CNTNAP5: variants seen among roughly 807,000 people sequenced by gnomAD.
The protein encoded by CNTNAP5 is contactin associated protein family member 5.
Under a neutral mutation model 150.2 loss-of-function variants are expected in CNTNAP5, and 72 were observed. That is an observed-to-expected ratio of 0.48 (90% CI 0.40 to 0.58). The LOEUF (loss-of-function observed/expected upper bound fraction) is 0.58. Among genes scored for constraint, CNTNAP5 ranks in the 20% least tolerant of loss-of-function variants. The pLI is 0.00. For synonymous variants in CNTNAP5, 672 were observed against 619.8 expected (o/e 1.08, Z -1.25); for missense variants, 1,636 against 1,626.2 (o/e 1.01, Z -0.10).
At chr2:124,217,565 T>G (rs1488004136) in intron 1 of CNTNAP5, among the ~76,000 whole-genome samples, 1 of 152,208 alleles carries the variant, frequency 6.6e-6, no homozygotes, top group Non-Finnish European at 1.5e-5. Flanking sequence ...GTCATCTTTA[T>G]GCAGGCTCGT....
intron 11 of CNTNAP5, among the ~76,000 whole-genome samples, chr2:124,592,839 G>C (rs1030974252): frequency 6.6e-6 from 1 of 151,798 alleles, no homozygotes; most frequent in Non-Finnish European, 1.5e-5. Flanking sequence ...ACTTGTAAAA[G>C]TATATTAGAA....
chr2:124,885,362 G>C (rs1678056535), intron 21 of CNTNAP5, among the ~76,000 whole-genome samples: 1 of 151,960 alleles, frequency 6.6e-6, no homozygotes, highest in Non-Finnish European at 1.5e-5. Flanking sequence ...GGGCTTGATT[G>C]AATAAGTAGG....
intron 17 of CNTNAP5, among the ~76,000 whole-genome samples, chr2:124,782,515 G>A (rs1321596583): frequency 6.6e-6 from 1 of 152,178 alleles, no homozygotes. Flanking sequence ...CCAACCACAA[G>A]CCATAGGTAG....
chr2:124,497,228 T>G (rs1446707713), intron 7 of CNTNAP5, among the ~76,000 whole-genome samples: 1 of 152,294 alleles, frequency 6.6e-6, no homozygotes, highest in African/African-American at 2.4e-5. Context: ...TAAACAGTAA[T>G]AGGTGTCTTT....
At chr2:124,089,908 C>G (rs1269571203) in intron 1 of CNTNAP5, among the ~76,000 whole-genome samples, 2 of 152,212 alleles carry the variant, frequency 1.3e-5, no homozygotes, top group Non-Finnish European at 2.9e-5. Flanking sequence ...GGTTGTGAAG[C>G]ACTTCAGAGC....
intron 4 of CNTNAP5, among the ~76,000 whole-genome samples, chr2:124,420,845 C>T (rs79083471): frequency 0.051 from 7,835 of 152,188 alleles, 266 homozygotes; most frequent in South Asian, 0.12. Context: ...CAATTAGTCT[C>T]TTAATATATA....
At chr2:124,369,579 T>C (rs555922138) in intron 3 of CNTNAP5, among the ~76,000 whole-genome samples, 3 of 152,316 alleles carry the variant, frequency 2.0e-5, no homozygotes, top group Admixed American at 6.5e-5. Flanking sequence ...TCTTTCCTTT[T>C]GTAGTTTTAT....
At chr2:124,496,007 A>G (rs979094804) in intron 7 of CNTNAP5, among the ~76,000 whole-genome samples, 14 of 151,842 alleles carry the variant, frequency 9.2e-5, no homozygotes, top group Non-Finnish European at 1.6e-4. Context: ...GACATGTTCC[A>G]TGACCCTTAT....
At chr2:124,251,938 C>T (rs1159842773) in intron 3 of CNTNAP5, among the ~76,000 whole-genome samples, 1 of 152,178 alleles carries the variant, frequency 6.6e-6, no homozygotes, top group Non-Finnish European at 1.5e-5. Flanking sequence ...AGCTAGCCCA[C>T]TACGTGTAAA....
At chr2:124,276,661 T>C (rs1203445133) in intron 3 of CNTNAP5, among the ~76,000 whole-genome samples, 2 of 152,162 alleles carry the variant, frequency 1.3e-5, no homozygotes, top group East Asian at 1.9e-4. Flanking sequence ...TGACAGGGCC[T>C]TTCCCCCACG....
intron 19 of CNTNAP5, among the ~76,000 whole-genome samples, chr2:124,799,214 A>C (rs576210228): frequency 6.6e-6 from 1 of 152,174 alleles, no homozygotes; most frequent in African/African-American, 2.4e-5. Flanking sequence ...TTTGGAAAGC[A>C]TTTGGACAAA....
At chr2:124,088,432 AT>A (rs1360833591) in intron 1 of CNTNAP5, among the ~76,000 whole-genome samples, 1 of 151,690 alleles carries the variant, frequency 6.6e-6, no homozygotes, top group Non-Finnish European at 1.5e-5. Context: ...TCTATCTTTC[AT>A]TTTGATGTAT....
At chr2:124,127,555 A>C (rs1002941478) in intron 1 of CNTNAP5, among the ~76,000 whole-genome samples, 1 of 152,186 alleles carries the variant, frequency 6.6e-6, no homozygotes, top group African/African-American at 2.4e-5. Context: ...ATTGGAAAAA[A>C]CTACTTTAAA....
chr2:124,547,192 A>G (rs764363377), intron 10 of CNTNAP5, among the ~76,000 whole-genome samples: 3 of 152,268 alleles, frequency 2.0e-5, no homozygotes, highest in East Asian at 3.9e-4. Flanking sequence ...TTTGGGCTCA[A>G]TAGAGAAACG....
chr2:124,485,631 A>AAAAGAAG (rs1558922843), intron 7 of CNTNAP5, among the ~76,000 whole-genome samples: 5 of 134,256 alleles, frequency 3.7e-5, no homozygotes, highest in South Asian at 2.8e-4. Flanking sequence ...AAAAAAAAAA[A>AAAAGAAG]AAAGAAGAAG....
At position 124,361,303 on chromosome 2, in the gene CNTNAP5, T is replaced by G. The variant is rs1400623344; in HGVS notation, c.382-56140T>G. On this transcript the variant is annotated intron_variant, in intron 3 of 23. Coordinates refer to ENST00000682447, the MANE Select transcript of CNTNAP5 (RefSeq NM_001367498.1). ...TTTGATCATCTGAAGCCTCCTTCTCTCAGCTCATCAAAGTCATTCTCCATC... is the reference window on the plus strand; with the variant it reads ...TTTGATCATCTGAAGCCTCCTTCTCGCAGCTCATCAAAGTCATTCTCCATC... Among the ~76,000 whole-genome samples, 14 of 144,994 alleles carry G rather than the reference T, an allele frequency of 9.7e-5. 2 individuals carry two copies.
chr2:124,783,385 A>G (rs1431598730), intron 17 of CNTNAP5, among the ~76,000 whole-genome samples: 1 of 152,142 alleles, frequency 6.6e-6, no homozygotes, highest in African/African-American at 2.4e-5. Flanking sequence ...CTCTTTTGTC[A>G]GACATTTCCC....
chr2:124,730,544 T>C (rs551947836), intron 13 of CNTNAP5, among the ~76,000 whole-genome samples: 5 of 152,192 alleles, frequency 3.3e-5, no homozygotes, highest in East Asian at 1.9e-4. Flanking sequence ...GCAACTAGTA[T>C]GTTGTAAGTC....
intron 3 of CNTNAP5, among the ~76,000 whole-genome samples, chr2:124,398,448 A>T (rs148937919): frequency 6.6e-6 from 1 of 152,052 alleles, no homozygotes; most frequent in African/African-American, 2.4e-5. Flanking sequence ...TGGAAAGCAG[A>T]GGGCTTTATA....
Sources: gnomAD v4.1 joint callset for allele counts (sites outside exome capture counted in the v4.1 genomes callset) on GRCh38, gnomAD v4.1.1 for gene constraint, MANE v1.5 for transcripts, NCBI Gene and HGNC (gene_info 2026-07-23, HGNC 2026-07-21) for gene names.